Variants in SLC8A1 observed in about 807,000 individuals in gnomAD.
The protein encoded by SLC8A1 is sodium/calcium exchanger 1.
SLC8A1 carries 18 observed loss-of-function variants against 68.3 expected under a neutral mutation model. The observed-to-expected ratio is 0.26, with a 90% CI of 0.18 to 0.39. The LOEUF (loss-of-function observed/expected upper bound fraction) is 0.39. Among genes scored for constraint, SLC8A1 ranks in the 10% least tolerant of loss-of-function variants. The pLI, the probability that SLC8A1 is intolerant of heterozygous loss-of-function variation, is 1.00. For missense variants in SLC8A1, 985 were observed against 1,156.7 expected, an observed-to-expected ratio of 0.85 and a Z score of 2.15; for synonymous variants, 475 against 415.5, an observed-to-expected ratio of 1.14 and a Z score of -1.74.
rs1006848922 is a variant in SLC8A1 at position 40,353,363 on chromosome 2, G to A, written c.1808+75110C>T. Among the ~76,000 whole-genome samples the A allele has an allele frequency of 5.3e-5, 8 of 152,086 alleles. No homozygotes were observed. The South Asian group carries it at 1.7e-3, about 32-fold the overall frequency. On this transcript the variant is annotated intron_variant, in intron 2 of 7. Coordinates refer to ENST00000406785, the Ensembl canonical transcript of SLC8A1. Reference sequence around the variant, plus strand: ...GCTGGGGGCCCCACCCTTCTCCATCGTTCAACCTCAAAAACTTGGCCTCAT... The same window carrying A: ...GCTGGGGGCCCCACCCTTCTCCATCATTCAACCTCAAAAACTTGGCCTCAT...
intron 2 of SLC8A1, among the ~76,000 whole-genome samples, chr2:40,400,671 A>G (rs1238028376): frequency 1.3e-5 from 2 of 152,092 alleles, no homozygotes; most frequent in Non-Finnish European, 2.9e-5. Flanking sequence ...CCTCCTTCAG[A>G]GGGAAAATGA....
intron 2 of SLC8A1, among the ~76,000 whole-genome samples, chr2:40,377,609 GT>G (rs1482151185): frequency 6.6e-6 from 1 of 152,112 alleles, no homozygotes; most frequent in African/African-American, 2.4e-5. Flanking sequence ...TGCACCACCT[GT>G]TTTTTTCTCA....
chr2:40,343,500 G>T (rs1049536613), intron 2 of SLC8A1, among the ~76,000 whole-genome samples: 1 of 152,176 alleles, frequency 6.6e-6, no homozygotes, highest in Non-Finnish European at 1.5e-5. Context: ...GTAAGGCACT[G>T]TTCTATTCAC....
At chr2:40,249,605 A>G (rs1271691657) in intron 2 of SLC8A1, among the ~76,000 whole-genome samples, 1 of 151,772 alleles carries the variant, frequency 6.6e-6, no homozygotes, top group African/African-American at 2.4e-5. Context: ...ATTCCTCTAA[A>G]AATATTCAAG....
chr2:40,377,174 TAAG>T (rs1278305973), intron 2 of SLC8A1, among the ~76,000 whole-genome samples: 1 of 152,008 alleles, frequency 6.6e-6, no homozygotes, highest in Non-Finnish European at 1.5e-5. Flanking sequence ...GGTAACCCAT[TAAG>T]AAGAGGGTCC....
intron 7 of SLC8A1, among the ~76,000 whole-genome samples, chr2:40,136,494 C>A (rs758322446): frequency 4.6e-5 from 7 of 152,122 alleles, no homozygotes; most frequent in Non-Finnish European, 8.8e-5. Context: ...CCTTTAGAAT[C>A]TAAGAATCCC....
chr2:40,413,423 TA>T (rs569759116), intron 2 of SLC8A1, among the ~76,000 whole-genome samples: 1,689 of 152,158 alleles, frequency 0.011, 18 homozygotes, highest in Non-Finnish European at 0.018. Context: ...TATGCAGCCA[TA>T]AAAAAATGAT....
chr2:40,248,706 G>C (rs968197932), intron 2 of SLC8A1, among the ~76,000 whole-genome samples: 1 of 151,946 alleles, frequency 6.6e-6, no homozygotes, highest in Non-Finnish European at 1.5e-5. Context: ...CCCTTTCCGT[G>C]ATCTATAGTA....
chr2:40,247,811 GA>G (rs1217282369), intron 2 of SLC8A1, among the ~76,000 whole-genome samples: 2 of 152,196 alleles, frequency 1.3e-5, no homozygotes, highest in African/African-American at 4.8e-5. Flanking sequence ...AATATGCACA[GA>G]AGTTAAGTGA....
At chr2:40,167,040 CT>C (rs2046664498) in intron 4 of SLC8A1, among the ~76,000 whole-genome samples, 1 of 152,126 alleles carries the variant, frequency 6.6e-6, no homozygotes, top group Non-Finnish European at 1.5e-5. Flanking sequence ...CAAAACAAAG[CT>C]GATGTGGTAG....
At chr2:40,283,388 T>C (rs966051068) in intron 2 of SLC8A1, among the ~76,000 whole-genome samples, 2 of 152,162 alleles carry the variant, frequency 1.3e-5, no homozygotes, top group African/African-American at 4.8e-5. Context: ...CAATGGCTTA[T>C]AAAAGAGAAT....
At position 40,271,894 on chromosome 2, in the gene SLC8A1, T is replaced by A. The variant is rs181959688; in HGVS notation, c.1809-94039A>T. Reference sequence around the variant, plus strand: ...TATTTATTTTTTTTTAGAGTCAGGGTCTCACTCTGTTGCCCGGGCTGGAAT... The same window carrying A: ...TATTTATTTTTTTTTAGAGTCAGGGACTCACTCTGTTGCCCGGGCTGGAAT... On this transcript the variant is annotated intron_variant, in intron 2 of 7. Transcript: ENST00000406785. Among the ~76,000 whole-genome samples, 113 of 152,172 alleles carry A rather than the reference T, an allele frequency of 7.4e-4. 1 individual carries two copies. Among genetic ancestry groups the A allele is most frequent in the African/African-American group, 2.7e-3 (111 of 41,500 alleles).
chr2:40,105,786 C>T (rs2034157735), exon 8 of SLC8A1: 3 of 152,332 alleles, frequency 2.0e-5, no homozygotes, highest in South Asian at 2.1e-4. Flanking sequence ...ATTCAGAAAC[C>T]GTATCCGACA....
chr2:40,121,865 A>G (rs1294489923), intron 7 of SLC8A1, among the ~76,000 whole-genome samples: 1 of 152,172 alleles, frequency 6.6e-6, no homozygotes, highest in Non-Finnish European at 1.5e-5. Flanking sequence ...AGTGTGATAG[A>G]GCTTAAAATT....
At chr2:40,253,543 G>C (rs1170064157) in intron 2 of SLC8A1, among the ~76,000 whole-genome samples, 1 of 151,860 alleles carries the variant, frequency 6.6e-6, no homozygotes, top group East Asian at 1.9e-4. Flanking sequence ...AGAGGCTAAA[G>C]GGCCTGGCGC....
chr2:40,397,904 T>C (rs943993221), intron 2 of SLC8A1, among the ~76,000 whole-genome samples: 1 of 152,280 alleles, frequency 6.6e-6, no homozygotes. Flanking sequence ...ACTAAATTTA[T>C]CATGGTTGGG....
chr2:40,385,497 T>C (rs772686763), intron 2 of SLC8A1, among the ~76,000 whole-genome samples: 2 of 106,086 alleles, frequency 1.9e-5, no homozygotes, highest in Non-Finnish European at 3.7e-5. Context: ...TAAATATAGG[T>C]GAGGAGATTT....
intron 2 of SLC8A1, among the ~76,000 whole-genome samples, chr2:40,336,677 C>T (rs944681344): frequency 6.6e-6 from 1 of 152,154 alleles, no homozygotes; most frequent in Admixed American, 6.6e-5. Flanking sequence ...AGTTCACTTT[C>T]GTTCACAAAA....
chr2:40,214,766 A>G (rs1310036996), intron 2 of SLC8A1, among the ~76,000 whole-genome samples: 1 of 152,152 alleles, frequency 6.6e-6, no homozygotes, highest in African/African-American at 2.4e-5. Flanking sequence ...CTTAACTCAT[A>G]TAATGGATCA....
Sources: gnomAD v4.1 joint callset for allele counts (sites outside exome capture counted in the v4.1 genomes callset) on GRCh38, gnomAD v4.1.1 for gene constraint, MANE v1.5 for transcripts, NCBI Gene and HGNC (gene_info 2026-07-23, HGNC 2026-07-21) for gene names.